CCN4: variants seen among roughly 807,000 people sequenced by gnomAD.
CCN4 encodes CCN family member 4.
CCN4 carries 30 observed loss-of-function variants against 36.7 expected under a neutral mutation model. That is an observed-to-expected ratio of 0.82 (90% CI 0.61 to 1.11). The LOEUF (loss-of-function observed/expected upper bound fraction) is 1.11. Among genes scored for constraint, CCN4 ranks in the 50% least tolerant of loss-of-function variants. The probability of loss-of-function intolerance (pLI) is 0.00; values close to 1 mark genes in which losing one functional copy is unlikely to be tolerated. For missense variants in CCN4, 505 were observed against 504.9 expected (o/e 1.00, Z 0.00); for synonymous variants, 191 against 195.4 (o/e 0.98, Z 0.19).
intron 2 of CCN4, among the ~76,000 whole-genome samples, chr8:133,215,109 A>G (rs1348113958): frequency 1.3e-5 from 2 of 152,206 alleles, no homozygotes; most frequent in South Asian, 2.1e-4. Flanking sequence ...TAGCAGCCAC[A>G]TAAATGGTAT....
chr8:133,204,533 A>G (rs191055630), intron 1 of CCN4, among the ~76,000 whole-genome samples: 31 of 152,374 alleles, frequency 2.0e-4, no homozygotes, highest in African/African-American at 7.2e-4. Context: ...GCTTCAGCCT[A>G]GAGAAACTTA....
chr8:133,208,342 G>A lies in CCN4; in HGVS notation c.70-4522G>A, dbSNP rs933324557. Among the ~76,000 whole-genome samples, 9 of 152,298 alleles carry A rather than the reference G, an allele frequency of 5.9e-5. No homozygotes were observed. The South Asian group carries it at 1.9e-3, about 32-fold the overall frequency. On this transcript the variant is annotated intron_variant, in intron 1 of 4. Transcript: ENST00000250160. Reference sequence around the variant, plus strand: ...GCGATGGTAGCAATGCCGTTTTACAGAGGAGAAGACAGGCTCAGAAAGTGA... The same window carrying A: ...GCGATGGTAGCAATGCCGTTTTACAAAGGAGAAGACAGGCTCAGAAAGTGA...
chr8:133,207,113 T>C (rs561414258), intron 1 of CCN4, among the ~76,000 whole-genome samples: 10 of 152,216 alleles, frequency 6.6e-5, no homozygotes, highest in African/African-American at 2.2e-4. Context: ...ACAGATTGGG[T>C]AAAGGAGTTC....
At position 133,213,749 on chromosome 8, in the gene CCN4, T is replaced by C. The variant is rs147580177; in HGVS notation, c.349+606T>C. Among the ~76,000 whole-genome samples, 548 of 147,264 alleles carry C rather than the reference T, an allele frequency of 3.7e-3. 3 individuals carry two copies. Among genetic ancestry groups the C allele is most frequent in the African/African-American group, 0.013 (523 of 40,574 alleles). ...TATAATATAAAGATAATATATACACTATAAATATTATCTTTCTAATGAACT... is the reference window on the plus strand; with the variant it reads ...TATAATATAAAGATAATATATACACCATAAATATTATCTTTCTAATGAACT... On this transcript the variant is annotated intron_variant, in intron 2 of 4. Coordinates refer to ENST00000250160, the MANE Select transcript of CCN4 (RefSeq NM_003882.4).
chr8:133,225,380 C>T lies in CCN4; in HGVS notation c.611-10C>T. On this transcript the variant is annotated splice_polypyrimidine_tract_variant and intron_variant, in intron 3 of 4. Transcript: ENST00000250160. ...TGTAGATTCATGCAGATTCTGTTCC[C>T]CACACACAGATGCTGTGGGTGAGGT... 1 of 1,587,784 alleles carries T rather than the reference C, an allele frequency of 6.3e-7. No homozygotes were observed. Among genetic ancestry groups the T allele is most frequent in the South Asian group, 1.1e-5 (1 of 87,806 alleles).
chr8:133,225,023 C>T (rs1487160086), intron 3 of CCN4, among the ~76,000 whole-genome samples: 2 of 151,924 alleles, frequency 1.3e-5, no homozygotes, highest in African/African-American at 4.8e-5. Flanking sequence ...TATTGTGTTG[C>T]CAGCCGCACA....
intron 1 of CCN4, among the ~76,000 whole-genome samples, chr8:133,194,554 G>C (rs1351170725): frequency 1.0e-5 from 1 of 99,538 alleles, no homozygotes; most frequent in Non-Finnish European, 2.1e-5. Flanking sequence ...TGTGGTGTGT[G>C]TGGGGGGGTG....
At chr8:133,219,739 A>G (rs1854451417) in intron 2 of CCN4, among the ~76,000 whole-genome samples, 2 of 152,350 alleles carry the variant, frequency 1.3e-5, no homozygotes, top group African/African-American at 4.8e-5. Context: ...GTTCTTCAAC[A>G]GTTGGCTGGG....
intron 4 of CCN4, among the ~76,000 whole-genome samples, chr8:133,227,014 T>C (rs1178800877): frequency 6.6e-6 from 1 of 152,174 alleles, no homozygotes; most frequent in East Asian, 1.9e-4. Context: ...GGGCAAAGCG[T>C]GTCCCCTGAG....
In CCN4 at chr8:133,210,391, G is replaced by A. The variant is rs937298963; in HGVS notation, c.70-2473G>A. On this transcript the variant is annotated intron_variant, in intron 1 of 4. Coordinates refer to ENST00000250160, the MANE Select transcript of CCN4 (RefSeq NM_003882.4). ...TCCCCAAAGTCAAAAAGAGGGGTGT[G>A]TGTGTGTGTGTGTGTGTGTGTGTGT... Among the ~76,000 whole-genome samples the A allele has an allele frequency of 6.3e-3, 653 of 103,848 alleles. 1 individual carries two copies. The highest frequency in any genetic ancestry group is 9.3e-3 in the Non-Finnish European group (451 of 48,262). The allele number at this position is 103,848 out of a possible 152,430, so 68.1% of individuals were successfully genotyped here.
chr8:133,208,149 T>C (rs1043329506), intron 1 of CCN4, among the ~76,000 whole-genome samples: 2 of 152,142 alleles, frequency 1.3e-5, no homozygotes, highest in Non-Finnish European at 2.9e-5. Context: ...GGAATAATAA[T>C]ACCAGTCACT....
chr8:133,206,491 T>A (rs1179064973), intron 1 of CCN4, among the ~76,000 whole-genome samples: 1 of 152,130 alleles, frequency 6.6e-6, no homozygotes, highest in East Asian at 1.9e-4. Flanking sequence ...ACTCCTTTTT[T>A]TGGGGGGTGG....
intron 1 of CCN4, among the ~76,000 whole-genome samples, chr8:133,207,994 G>GTTTTTTTTTTT (rs33983896): frequency 7.1e-5 from 10 of 141,672 alleles, no homozygotes; most frequent in East Asian, 4.5e-4. Context: ...CCTTTCAGCT[G>GTTTTTTTTTTT]TTTTTTTTTT....
At chr8:133,211,594 C>T (rs567593965) in intron 1 of CCN4, among the ~76,000 whole-genome samples, 3 of 152,256 alleles carry the variant, frequency 2.0e-5, no homozygotes, top group Admixed American at 6.5e-5. Flanking sequence ...CCTGGTGTTC[C>T]GAGTGGAAAG....
intron 2 of CCN4, among the ~76,000 whole-genome samples, chr8:133,217,936 C>CCACACACACACACACACACACACACACA (rs58105917): frequency 1.9e-4 from 27 of 144,524 alleles, no homozygotes; most frequent in East Asian, 6.4e-4. Context: ...ACTCCCTTCT[C>CCACACACACACACACACACACACACACA]CACACACACA....
intron 1 of CCN4, among the ~76,000 whole-genome samples, chr8:133,202,469 A>G (rs1315419080): frequency 6.6e-6 from 1 of 152,214 alleles, no homozygotes; most frequent in African/African-American, 2.4e-5. Flanking sequence ...GAGTGAATGC[A>G]TGAGTGAACA....
chr8:133,230,174 CG>C lies in CCN4; in HGVS notation c.*2466del, dbSNP rs1046424811. ...CCCAGTCGCCATTGGTTTTGAGAAA[CG>C]GAACTATCTTATGCAGAGCCCGGAG... is the stretch of plus-strand genomic sequence containing the variant. On this transcript the variant is annotated 3_prime_UTR_variant, in exon 5 of 5. Coordinates refer to ENST00000250160, the MANE Select transcript of CCN4 (RefSeq NM_003882.4). The C allele has an allele frequency of 3.6e-4, 55 of 152,354 alleles. No individual in the cohort carries two copies. Among genetic ancestry groups the C allele is most frequent in the African/African-American group, 1.3e-3 (55 of 41,580 alleles). The allele number at this position is 152,354 out of a possible 1,614,324, so 9.4% of individuals were successfully genotyped here.
chr8:133,198,998 C>T (rs2977522), intron 1 of CCN4, among the ~76,000 whole-genome samples: 58,960 of 152,162 alleles, frequency 0.39, 12,066 homozygotes, highest in East Asian at 0.62. Context: ...AGAACCAGAC[C>T]TGGCATAGGC....
intron 1 of CCN4, among the ~76,000 whole-genome samples, chr8:133,206,162 G>A (rs1033868046): frequency 5.9e-5 from 9 of 152,120 alleles, no homozygotes; most frequent in East Asian, 1.9e-4. Flanking sequence ...ACCCAGAGGC[G>A]CCACACATTT....
Sources: allele counts gnomAD v4.1 joint callset (sites outside exome capture counted in the v4.1 genomes callset), GRCh38; gene constraint gnomAD v4.1.1; transcripts MANE v1.5; gene names NCBI Gene and HGNC (gene_info 2026-07-23, HGNC 2026-07-21).